ABCG8: variants seen among roughly 807,000 people sequenced by gnomAD.
ABCG8 encodes the protein ATP-binding cassette sub-family G member 8.
In ABCG8, 81 loss-of-function variants were observed where a neutral mutation model predicts 71.3. The observed-to-expected ratio is 1.14, with a 90% CI of 0.95 to 1.37. The LOEUF (loss-of-function observed/expected upper bound fraction) is 1.37, where lower values mean the gene tolerates loss of function less well. Among genes scored for constraint, ABCG8 ranks in the 40% most tolerant of loss-of-function variants. The pLI is 0.00. For missense variants in ABCG8, 1,119 were observed against 866.2 expected (o/e 1.29, Z -3.66); for synonymous variants, 451 against 354.7 (o/e 1.27, Z -3.05).
At position 43,872,256 on chromosome 2, in the gene ABCG8, G is replaced by A. The variant is rs568651603; in HGVS notation, c.1161G>A (p.Pro387=). ...CCCCACTAGACACCAACTGCCTCCCGAGTCCTACGAAGATGCCTGGGGCGG... is the reference window on the plus strand; with the variant it reads ...CCCCACTAGACACCAACTGCCTCCCAAGTCCTACGAAGATGCCTGGGGCGG... The part of the protein sequence containing the change: ...SVTPLDTNCL[P]SPTKMPGAVQ... Residue 387 remains proline (P), a synonymous_variant, in exon 8 of 13, where the codon CCG becomes CCA. Transcript: ENST00000272286. 4 of 1,613,940 alleles carry A rather than the reference G, an allele frequency of 2.5e-6. No homozygotes were observed. The highest frequency in any genetic ancestry group is 2.2e-5 in the East Asian group (1 of 44,878).
In ABCG8 at chr2:43,881,667, C is replaced by CCA. The variant is rs1315671745; in HGVS notation, c.*3756_*3757dup. ...GAGGTTGCAGTGAGCCGAGATTGAG[C>CCA]CACCGCACTCCAGCCTGGTGACAGA... On this transcript the variant is annotated 3_prime_UTR_variant, in exon 13 of 13. Transcript: ENST00000272286. The CCA allele has an allele frequency of 4.0e-5, 6 of 150,436 alleles. No individual in the cohort carries two copies. Among genetic ancestry groups the CCA allele is most frequent in the Admixed American group, 2.6e-4 (4 of 15,100 alleles). The allele number at this position is 150,436 out of a possible 1,614,324, so 9.3% of individuals were successfully genotyped here.
chr2:43,872,072 G>T lies in ABCG8; in HGVS notation c.1061G>T (p.Arg354Leu), dbSNP rs142346631. 4 of 1,613,986 alleles carry T rather than the reference G, an allele frequency of 2.5e-6. No individual in the cohort carries two copies. Among genetic ancestry groups the T allele is most frequent in the Non-Finnish European group, 1.7e-6 (2 of 1,180,034 alleles). ...SLAALFLEKV[R>L]DLDDFLWKAE... ...GCAGCCCTGTTTCTAGAAAAAGTGC[G>T]TGACTTAGATGACTTTCTATGGAAA... Residue 354 changes from arginine to leucine, a missense_variant, in exon 7 of 13, where the codon CGT becomes CTT. Arg to Leu is a moderately radical substitution (Grantham distance 102, BLOSUM62 -2). Transcript: ENST00000272286.
chr2:43,846,936 G>A (rs72796743), intron 3 of ABCG8: 2,438 of 174,930 alleles, frequency 0.014, 31 homozygotes, highest in Non-Finnish European at 0.017. Flanking sequence ...AGAGGAAGGT[G>A]TTCAAACTCC....
rs76814535 is a variant in ABCG8, at chr2:43,874,604, C to T, written c.1488+121C>T. 18,441 of 815,844 alleles carry T rather than the reference C, an allele frequency of 0.023. 276 individuals carry two copies. Among genetic ancestry groups the T allele is most frequent in the Non-Finnish European group, 0.031 (14,541 of 462,876 alleles). The allele number at this position is 815,844 out of a possible 1,614,324, so 50.5% of individuals were successfully genotyped here. ...TGGGGCCGTGGGTCATGTGAAGTCA[C>T]CGATGCCACCAGATGCCACATTTTC... On this transcript the variant is annotated intron_variant, in intron 10 of 12. Coordinates refer to ENST00000272286, the MANE Select transcript of ABCG8 (RefSeq NM_022437.3).
In ABCG8 at chr2:43,882,152, T is replaced by C. The variant is rs1572875563; in HGVS notation, c.*4239T>C. On this transcript the variant is annotated 3_prime_UTR_variant, in exon 13 of 13. Transcript: ENST00000272286. ...AATATTGGCTCAAATATTTCCTGAT[T>C]TAAAAAAAAATCTGCTCTTGTTCCT... is the stretch of plus-strand genomic sequence containing the variant. 6.6e-6 allele frequency: 1 copy of C among 152,294 alleles called. No individual in the cohort carries two copies. The highest frequency in any genetic ancestry group is 1.9e-4 in the East Asian group (1 of 5,186). The allele number at this position is 152,294 out of a possible 1,614,324, so 9.4% of individuals were successfully genotyped here.
intron 1 of ABCG8, among the ~76,000 whole-genome samples, chr2:43,843,682 GT>G (rs1332827089): frequency 6.6e-6 from 1 of 152,078 alleles, no homozygotes. Context: ...GGGACTTCCT[GT>G]TGCTTCTTTG....
rs771225121 is a variant in ABCG8, at chr2:43,882,285, A to T, written c.*4372A>T. The T allele has an allele frequency of 2.6e-5, 4 of 152,190 alleles. No homozygotes were observed. Among genetic ancestry groups the T allele is most frequent in the Non-Finnish European group, 4.4e-5 (3 of 68,036 alleles). 9.4% of individuals were successfully genotyped at this position (152,190 alleles called of 1,614,324 possible). On this transcript the variant is annotated 3_prime_UTR_variant, in exon 13 of 13. Coordinates refer to ENST00000272286, the MANE Select transcript of ABCG8 (RefSeq NM_022437.3). ...TACTTCAACTCTTGTCATGATCCCA[A>T]ATTAAACAACTAGCAACAGAAATGT...
chr2:43,846,216 C>G lies in ABCG8; in HGVS notation c.227C>G (p.Thr76Arg), dbSNP rs554837252. 1 of 1,614,184 alleles carries G rather than the reference C, an allele frequency of 6.2e-7. No individual in the cohort carries two copies. Among genetic ancestry groups the G allele is most frequent in the Non-Finnish European group, 8.5e-7 (1 of 1,180,026 alleles). ...CTGGCTCAGTTCAAGATGCCCTGGA[C>G]ATCTCCCAGCTGCCAGAATTCTTGT... Reference protein sequence around the residue: ...EQLAQFKMPWTSPSCQNSCEL... With the variant: ...EQLAQFKMPWRSPSCQNSCEL... Residue 76 changes from threonine (T) to arginine (R), a missense_variant, in exon 3 of 13, where the codon ACA (threonine) becomes AGA (arginine). Transcript: ENST00000272286.
In ABCG8 at chr2:43,840,288, G is replaced by A. The variant is rs1192399033; in HGVS notation, c.63+1172G>A. On this transcript the variant is annotated intron_variant, in intron 1 of 12. Transcript: ENST00000272286. ...GTTCTGCAACCACCACATCTGACCA[G>A]CTCTGCTCTCTGAATACCCTGTGGG... 3.3e-5 allele frequency among the ~76,000 whole-genome samples: 5 copies of A among 152,232 alleles called. No homozygotes were observed. The East Asian group carries it at 9.6e-4, about 29-fold the overall frequency.
At chr2:43,852,543 G>A in intron 5 of ABCG8, 56 bp from the exon 6 acceptor site, 1 of 1,614,006 alleles carries the variant, frequency 6.2e-7, no homozygotes, top group Middle Eastern at 1.7e-4. Flanking sequence ...CCTCAGGCTT[G>A]GCTTGGTCTG....
intron 6 of ABCG8, among the ~76,000 whole-genome samples, chr2:43,856,210 G>A (rs72796765): frequency 0.055 from 8,209 of 149,098 alleles, 275 homozygotes; most frequent in Middle Eastern, 0.12. Flanking sequence ...CACCCTATGG[G>A]TAGAACTCTG....
intron 1 of ABCG8, among the ~76,000 whole-genome samples, chr2:43,840,369 T>C (rs1668537494): frequency 6.6e-6 from 1 of 152,212 alleles, no homozygotes; most frequent in Admixed American, 6.5e-5. Context: ...TCAGCGGGAC[T>C]TTGGGAACAC....
At chr2:43,862,825 T>C (rs908266006) in intron 6 of ABCG8, among the ~76,000 whole-genome samples, 3 of 149,826 alleles carry the variant, frequency 2.0e-5, no homozygotes, top group South Asian at 4.3e-4. Context: ...TTAGCACTCT[T>C]ACTAACTGTC....
intron 2 of ABCG8, among the ~76,000 whole-genome samples, chr2:43,845,119 T>C (rs950548752): frequency 7.7e-6 from 1 of 129,068 alleles, no homozygotes; most frequent in South Asian, 2.4e-4. Context: ...TATATATATA[T>C]AATTTTTTTT....
intron 8 of ABCG8, among the ~76,000 whole-genome samples, chr2:43,873,184 C>T (rs184166814): frequency 2.0e-5 from 3 of 147,384 alleles, no homozygotes; most frequent in African/African-American, 7.7e-5. Context: ...CATCATTGAG[C>T]GTACATTTTT....
Position 43,875,249 on chromosome 2 carries a change from A to G in ABCG8, c.1592A>G (p.His531Arg). The change falls in exon 11 of 13, where the codon CAC (histidine) becomes CGC (arginine). Residue 531 changes from histidine to arginine, a missense_variant. His to Arg is a conservative substitution (Grantham distance 29). Coordinates refer to ENST00000272286, the MANE Select transcript of ABCG8 (RefSeq NM_022437.3). ...CCAGGCCTCCAGCCCTTCCTGCTGC[A>G]CTTCCTGCTGGTGTGGCTGGTGGTC... ...LRPGLQPFLLHFLLVWLVVFC... is the reference protein window; with the variant it reads ...LRPGLQPFLLRFLLVWLVVFC... 1 of 1,614,182 alleles carries G rather than the reference A, an allele frequency of 6.2e-7. No homozygotes were observed. Among genetic ancestry groups the G allele is most frequent in the Non-Finnish European group, 8.5e-7 (1 of 1,180,030 alleles).
chr2:43,872,290 T>TAA lies in ABCG8; in HGVS notation c.1195_1196insAA (p.Phe399Ter). 1 of 1,613,886 alleles carries TAA rather than the reference T, an allele frequency of 6.2e-7. No individual in the cohort carries two copies. The highest frequency in any genetic ancestry group is 8.5e-7 in the Non-Finnish European group (1 of 1,180,002). ...GAAGATGCCTGGGGCGGTGCAGCAG[T>TAA]TTACGACGCTGATCCGGTAATTATC... is the stretch of plus-strand genomic sequence containing the variant. ...PTKMPGAVQQ[F>*]TTLIRRQISN... Residue 399 changes from phenylalanine to a stop codon, truncating the protein, a stop_gained and frameshift_variant, in exon 8 of 13, where the codon TTT becomes TAATT. Coordinates refer to ENST00000272286, the MANE Select transcript of ABCG8 (RefSeq NM_022437.3). LOFTEE classifies it high-confidence loss of function.
At chr2:43,854,769 G>A (rs1303948660) in intron 6 of ABCG8, among the ~76,000 whole-genome samples, 2 of 152,182 alleles carry the variant, frequency 1.3e-5, no homozygotes, top group East Asian at 3.8e-4. Context: ...CTGGGTATAG[G>A]GAGATCCTGG....
intron 11 of ABCG8, among the ~76,000 whole-genome samples, chr2:43,875,894 G>T (rs527467306): frequency 6.6e-6 from 1 of 152,122 alleles, no homozygotes; most frequent in African/African-American, 2.4e-5. Context: ...AATCCCTGCG[G>T]CCTCCCCAGC....
Sources: allele counts gnomAD v4.1 joint callset (sites outside exome capture counted in the v4.1 genomes callset), GRCh38; gene constraint gnomAD v4.1.1; transcripts MANE v1.5; gene names NCBI Gene and HGNC (gene_info 2026-07-23, HGNC 2026-07-21).